BMP2K: variants seen among roughly 807,000 people sequenced by gnomAD.
The protein encoded by BMP2K is BMP-2-inducible protein kinase.
Under a neutral mutation model 116.0 loss-of-function variants are expected in BMP2K, and 74 were observed. The observed-to-expected ratio is 0.64, with a 90% CI of 0.53 to 0.77. BMP2K has a LOEUF of 0.77. BMP2K is among the 30% of genes least tolerant of loss of function. The pLI is 0.00. For synonymous variants in BMP2K, 486 were observed against 502.5 expected, an observed-to-expected ratio of 0.97 and a Z score of 0.44; for missense variants, 1,365 against 1,403.6, an observed-to-expected ratio of 0.97 and a Z score of 0.44.
intron 1 of BMP2K, among the ~76,000 whole-genome samples, chr4:78,812,737 A>C (rs1560511065): frequency 6.6e-6 from 1 of 152,318 alleles, no homozygotes; most frequent in East Asian, 1.9e-4. Context: ...AGTGCTGTTA[A>C]TCTGGCTAAG....
chr4:78,863,168 A>T (rs1731876125), intron 9 of BMP2K, among the ~76,000 whole-genome samples: 1 of 152,114 alleles, frequency 6.6e-6, no homozygotes, highest in Non-Finnish European at 1.5e-5. Flanking sequence ...AAATCTGAAC[A>T]TTATGTATAT....
At chr4:78,887,373 TGTTA>T (rs138528611) in intron 15 of BMP2K, 89 bp downstream of exon 15, 56,147 of 913,338 alleles carry the variant, frequency 0.061, 2,802 homozygotes, top group East Asian at 0.23. Context: ...AAGACTCTGA[TGTTA>T]GTTAGCTACA....
intron 3 of BMP2K, among the ~76,000 whole-genome samples, chr4:78,837,837 C>T (rs1466924703): frequency 4.6e-5 from 7 of 152,100 alleles, no homozygotes; most frequent in Non-Finnish European, 1.0e-4. Context: ...GAAACAGGGT[C>T]TCACTTTGTA....
chr4:78,788,726 A>G (rs781562540), intron 1 of BMP2K, among the ~76,000 whole-genome samples: 6 of 150,094 alleles, frequency 4.0e-5, no homozygotes, highest in Non-Finnish European at 5.9e-5. Flanking sequence ...GTGTTTGTGT[A>G]TGGTATTTTT....
chr4:78,840,916 G>A (rs1296935595), intron 3 of BMP2K, among the ~76,000 whole-genome samples: 1 of 152,122 alleles, frequency 6.6e-6, no homozygotes, highest in Non-Finnish European at 1.5e-5. Flanking sequence ...TCAAGGATGT[G>A]AATGTACACC....
Position 78,912,305 on chromosome 4 carries a change from TC to T in BMP2K, c.*274del. 8.5e-6 allele frequency: 3 copies of T among 352,574 alleles called. No homozygotes were observed. The highest frequency in any genetic ancestry group is 1.5e-5 in the Non-Finnish European group (3 of 195,194). 21.8% of individuals were successfully genotyped at this position (352,574 alleles called of 1,614,324 possible). A position where few individuals can be genotyped will look rare whatever the true frequency, so the allele number is the denominator to read the frequency against. Reference sequence around the variant, plus strand: ...AACACAGAAATGCAAGTGTGGTACTTCCAGTGAAAGCACATGGCACCTTTCT... The same window carrying T: ...AACACAGAAATGCAAGTGTGGTACTTCAGTGAAAGCACATGGCACCTTTCT... On this transcript the variant is annotated 3_prime_UTR_variant, in exon 16 of 16. Coordinates refer to ENST00000502613, the MANE Select transcript of BMP2K (RefSeq NM_198892.2).
At chr4:78,865,126 C>T (rs1416508579) in intron 9 of BMP2K, among the ~76,000 whole-genome samples, 1 of 152,066 alleles carries the variant, frequency 6.6e-6, no homozygotes, top group East Asian at 1.9e-4. Context: ...ACAGTCTTTT[C>T]TTTTTTTATG....
Position 78,871,955 on chromosome 4 carries a change from T to G in BMP2K, c.1608+7T>G, listed in dbSNP as rs374060605. On this transcript the variant is annotated splice_region_variant and intron_variant, in intron 12 of 15. Transcript: ENST00000502613. ...ATCACAGTATCCTACAATGGTAACTTAAATAATTTCTAGAGATTTCTCTGA... is the reference window on the plus strand; with the variant it reads ...ATCACAGTATCCTACAATGGTAACTGAAATAATTTCTAGAGATTTCTCTGA... The G allele has an allele frequency of 3.8e-6, 6 of 1,572,294 alleles. No homozygotes were observed. Among genetic ancestry groups the G allele is most frequent in the Non-Finnish European group, 5.2e-6 (6 of 1,148,532 alleles).
rs1354587427 is a variant in BMP2K at position 78,865,569 on chromosome 4, C to G, written c.1080C>G (p.Thr360=). 12 of 1,613,744 alleles carry G rather than the reference C, an allele frequency of 7.4e-6. No individual in the cohort carries two copies. Among genetic ancestry groups the G allele is most frequent in the Non-Finnish European group, 1.0e-5 (12 of 1,179,776 alleles). The change falls in exon 10 of 16, where the codon ACC becomes ACG. Residue 360 remains threonine, a synonymous_variant. Transcript: ENST00000502613. ...TCTTCTGTTGTAGAATAACAGATAC[C>G]ATTGGACCAACAGAAACCTCAATTG... The part of the protein sequence containing the change: ...KSQIKARITD[T]IGPTETSIAP...
intron 1 of BMP2K, among the ~76,000 whole-genome samples, chr4:78,779,487 GA>G (rs1727402817): frequency 6.6e-6 from 1 of 152,210 alleles, no homozygotes; most frequent in African/African-American, 2.4e-5. Context: ...AATAGACCAT[GA>G]AAAGGACACT....
At chr4:78,814,669 A>G (rs1226340546) in intron 1 of BMP2K, among the ~76,000 whole-genome samples, 1 of 152,090 alleles carries the variant, frequency 6.6e-6, no homozygotes, top group African/African-American at 2.4e-5. Context: ...TCCAGCCATG[A>G]TGAACTGTGA....
At chr4:78,833,333 G>A (rs528846275) in intron 2 of BMP2K, among the ~76,000 whole-genome samples, 23 of 152,028 alleles carry the variant, frequency 1.5e-4, no homozygotes, top group African/African-American at 4.1e-4. Flanking sequence ...TTCCTTTTGC[G>A]TGAACCATTT....
intron 3 of BMP2K, among the ~76,000 whole-genome samples, chr4:78,838,453 A>G (rs1577914610): frequency 6.6e-6 from 1 of 152,254 alleles, no homozygotes; most frequent in African/African-American, 2.4e-5. Flanking sequence ...GAAGAAATCC[A>G]GAAGGCCTGA....
chr4:78,834,913 T>G (rs1266324897), intron 3 of BMP2K, among the ~76,000 whole-genome samples: 1 of 152,236 alleles, frequency 6.6e-6, no homozygotes, highest in Non-Finnish European at 1.5e-5. Flanking sequence ...GATTTTTCTT[T>G]ATATCTTATC....
At chr4:78,896,052 C>T (rs905826100) in intron 15 of BMP2K, among the ~76,000 whole-genome samples, 4 of 152,190 alleles carry the variant, frequency 2.6e-5, no homozygotes, top group African/African-American at 7.2e-5. Context: ...AGCCATCCTG[C>T]CAAGTCCAAA....
At chr4:78,839,820 CCTG>C (rs1445605090) in intron 3 of BMP2K, among the ~76,000 whole-genome samples, 2 of 152,098 alleles carry the variant, frequency 1.3e-5, no homozygotes, top group Non-Finnish European at 2.9e-5. Context: ...CTAGTCTTTT[CCTG>C]TTCTTCTGCC....
At chr4:78,838,269 G>A (rs886173904) in intron 3 of BMP2K, among the ~76,000 whole-genome samples, 2 of 152,216 alleles carry the variant, frequency 1.3e-5, no homozygotes, top group African/African-American at 2.4e-5. Context: ...GCTACCTCCC[G>A]ATGGGTCCGT....
At position 78,842,473 on chromosome 4, in the gene BMP2K, AGCTG is replaced by A; in HGVS notation, c.493_496del (p.Ala165LeufsTer11). 1 of 1,608,652 alleles carries A rather than the reference AGCTG, an allele frequency of 6.2e-7. No individual in the cohort carries two copies. The highest frequency in any genetic ancestry group is 2.2e-5 in the East Asian group (1 of 44,812). ...TACAGATATTCTGTGATACCTGTGA[AGCTG>A]TTGCAAGGTTGCATCAGTGTAAGAC... On this transcript the variant is annotated frameshift_variant, in exon 4 of 16. Transcript: ENST00000502613. LOFTEE classifies it high-confidence loss of function.
In BMP2K at chr4:78,796,175, A is replaced by G. The variant is rs572370001; in HGVS notation, c.178+19454A>G. On this transcript the variant is annotated intron_variant, in intron 1 of 15. Coordinates refer to ENST00000502613, the MANE Select transcript of BMP2K (RefSeq NM_198892.2). ...AACAATGATAGACTGGATTAAGAAA[A>G]TGTGGCACATATACACCATGGAATA... is the stretch of plus-strand genomic sequence containing the variant. 6.1e-3 allele frequency among the ~76,000 whole-genome samples: 922 copies of G among 152,238 alleles called. 11 individuals carry two copies. The highest frequency in any genetic ancestry group is 0.02 in the African/African-American group (830 of 41,536).
Sources: allele counts gnomAD v4.1 joint callset (sites outside exome capture counted in the v4.1 genomes callset), GRCh38; gene constraint gnomAD v4.1.1; transcripts MANE v1.5; gene names NCBI Gene and HGNC (gene_info 2026-07-23, HGNC 2026-07-21).